The following NUP54 variants were observed in gnomAD, a reference collection of about 807,000 sequenced individuals.
The protein encoded by NUP54 is nucleoporin p54.
Under a neutral mutation model 66.4 loss-of-function variants are expected in NUP54, and 27 were observed. The observed-to-expected ratio is 0.41, with a 90% CI of 0.30 to 0.56. The LOEUF is 0.56. Among genes scored for constraint, NUP54 ranks in the 20% least tolerant of loss-of-function variants. NUP54 has a pLI of 0.34. For missense variants in NUP54, 486 were observed against 596.3 expected (o/e 0.82, Z 1.93); for synonymous variants, 206 against 210.7 (o/e 0.98, Z 0.19).
At chr4:76,136,056 CA>C in intron 4 of NUP54, 129 bp downstream of exon 4, 1 of 668,980 alleles carries the variant, frequency 1.5e-6, no homozygotes, top group Admixed American at 3.0e-5. Flanking sequence ...TCTATATTTT[CA>C]AAATAAAAGT....
chr4:76,129,887 AACCT>A (rs1730713946), intron 8 of NUP54, among the ~76,000 whole-genome samples: 1 of 107,290 alleles, frequency 9.3e-6, no homozygotes, highest in East Asian at 4.6e-4. Context: ...AAAAAAAAAA[AACCT>A]TAGCAAAGTT....
At chr4:76,122,419 T>C (rs2109860387) in intron 9 of NUP54, among the ~76,000 whole-genome samples, 1 of 152,318 alleles carries the variant, frequency 6.6e-6, no homozygotes, top group Admixed American at 6.5e-5. Context: ...GTAGTCACAC[T>C]TCTCTCTTCA....
chr4:76,147,907 C>T (rs889694114), intron 1 of NUP54: 1 of 284,424 alleles, frequency 3.5e-6, no homozygotes, highest in African/African-American at 2.2e-5. Flanking sequence ...ATCCCCAGCC[C>T]TATCCTCGCC....
chr4:76,115,721 T>A (rs1238384576), intron 11 of NUP54, among the ~76,000 whole-genome samples: 1 of 152,130 alleles, frequency 6.6e-6, no homozygotes, highest in Non-Finnish European at 1.5e-5. Flanking sequence ...TAATGAACAA[T>A]ATCTTCCAAC....
intron 3 of NUP54, among the ~76,000 whole-genome samples, chr4:76,137,837 TA>T (rs1731102936): frequency 1.3e-5 from 2 of 152,230 alleles, no homozygotes; most frequent in African/African-American, 4.8e-5. Flanking sequence ...TAATTTCAAT[TA>T]CCTTTTCCTT....
intron 3 of NUP54, among the ~76,000 whole-genome samples, chr4:76,136,660 G>A (rs1346112006): frequency 6.6e-6 from 1 of 152,152 alleles, no homozygotes; most frequent in African/African-American, 2.4e-5. Flanking sequence ...CCTCAAAAGT[G>A]GAAGAGTGCG....
intron 9 of NUP54, 71 bp from the exon 10 acceptor site, chr4:76,118,265 T>C (rs1578662174): frequency 1.5e-6 from 2 of 1,359,738 alleles, no homozygotes; most frequent in African/African-American, 2.9e-5. Context: ...AGTAGTACAA[T>C]TAGTTACTGA....
At chr4:76,133,141 T>G (rs906275357) in intron 5 of NUP54, among the ~76,000 whole-genome samples, 1 of 151,854 alleles carries the variant, frequency 6.6e-6, no homozygotes, top group Admixed American at 6.6e-5. Flanking sequence ...CAAGCAATCC[T>G]CCCACCTTGA....
In NUP54 at chr4:76,124,655, A is replaced by G; in HGVS notation, c.1158T>C (p.Thr386=). The change falls in exon 9 of 12, where the codon ACT becomes ACC. Residue 386 remains threonine, a synonymous_variant. Transcript: ENST00000264883. The part of the protein sequence containing the change: ...KRKLMDLSHR[T]LQVLIKQEIQ... ...GGAAAATCCAAATTACTACCTGTAA[A>G]GTTCTATGGGAAAGATCCATGAGTT... is the stretch of plus-strand genomic sequence containing the variant. The G allele has an allele frequency of 5.9e-6, 9 of 1,531,030 alleles. No homozygotes were observed. Among genetic ancestry groups the G allele is most frequent in the Non-Finnish European group, 7.2e-6 (8 of 1,112,656 alleles). The allele number at this position is 1,531,030 out of a possible 1,614,324, so 94.8% of individuals were successfully genotyped here.
chr4:76,145,119 C>A (rs181317735), intron 1 of NUP54, among the ~76,000 whole-genome samples: 19,326 of 150,862 alleles, frequency 0.13, 1,489 homozygotes, highest in East Asian at 0.34. Context: ...GAGATCGAGA[C>A]CATCCTGGCT....
At chr4:76,120,421 CTTTTTTTTTTTT>C (rs59098375) in intron 9 of NUP54, among the ~76,000 whole-genome samples, 1 of 117,784 alleles carries the variant, frequency 8.5e-6, no homozygotes, top group South Asian at 2.7e-4. Flanking sequence ...AAAGGGATCT[CTTTTTTTTTTTT>C]TTTTTTTTTT....
chr4:76,120,695 G>A (rs1441221485), intron 9 of NUP54, among the ~76,000 whole-genome samples: 1 of 152,108 alleles, frequency 6.6e-6, no homozygotes, highest in East Asian at 1.9e-4. Context: ...CCAGAGTGCT[G>A]GGATTACAGG....
chr4:76,139,682 T>C (rs779015110), intron 3 of NUP54, among the ~76,000 whole-genome samples: 25 of 152,114 alleles, frequency 1.6e-4, no homozygotes, highest in Non-Finnish European at 3.4e-4. Context: ...ACCAAGGAAT[T>C]ATTGTGGGTT....
chr4:76,129,325 A>G lies in NUP54; in HGVS notation c.1056+1331T>C, dbSNP rs184464261. Among the ~76,000 whole-genome samples, 19 of 152,356 alleles carry G rather than the reference A, an allele frequency of 1.2e-4. No homozygotes were observed. The East Asian group carries it at 3.3e-3, about 26-fold the overall frequency. On this transcript the variant is annotated intron_variant, in intron 8 of 11. Transcript: ENST00000264883. ...TGCCAAGAAAACACAACAATCCTAT[A>G]TAACAACAGCCCTTCAAACTATTAA...
intron 1 of NUP54, chr4:76,147,678 A>T (rs1225577970): frequency 7.9e-7 from 1 of 1,261,042 alleles, no homozygotes; most frequent in Admixed American, 2.6e-5. Flanking sequence ...AATTTTAAAA[A>T]GGGGGAGAGG....
intron 10 of NUP54, 42 bp from the exon 11 acceptor site, chr4:76,117,816 AC>A: frequency 6.8e-7 from 1 of 1,466,842 alleles, no homozygotes; most frequent in Non-Finnish European, 9.5e-7. Context: ...GCCGACGAAG[AC>A]TTGTAAAAGA....
intron 8 of NUP54, among the ~76,000 whole-genome samples, chr4:76,129,974 T>TG (rs1730727107): frequency 6.3e-5 from 2 of 31,648 alleles, no homozygotes; most frequent in Admixed American, 2.7e-4. Context: ...AAGTTTTTTT[T>TG]TTTTTTTTTT....
At chr4:76,131,111 G>C in intron 7 of NUP54, 119 bp downstream of exon 7, 1 of 717,984 alleles carries the variant, frequency 1.4e-6, no homozygotes, top group Non-Finnish European at 2.4e-6. Context: ...TTTTTTAAAG[G>C]CCAGGAAAAT....
intron 8 of NUP54, among the ~76,000 whole-genome samples, chr4:76,127,432 C>CAAAAAAAAAA (rs59383944): frequency 1.8e-5 from 1 of 54,772 alleles, no homozygotes; most frequent in African/African-American, 6.9e-5. Context: ...ACCCCCATCT[C>CAAAAAAAAAA]AAAAAAAAAA....
Sources: allele counts gnomAD v4.1 joint callset (sites outside exome capture counted in the v4.1 genomes callset), GRCh38; gene constraint gnomAD v4.1.1; transcripts MANE v1.5; gene names NCBI Gene and HGNC (gene_info 2026-07-23, HGNC 2026-07-21).